IWS1: variants seen among roughly 807,000 people sequenced by gnomAD.
IWS1 encodes the protein interacts with SUPT6H, CTD assembly factor 1.
A neutral mutation model predicts 86.7 loss-of-function variants in IWS1; 27 were observed. The observed-to-expected ratio is 0.31, with a 90% confidence interval of 0.23 to 0.43. IWS1 has a LOEUF of 0.43. Among genes scored for constraint, IWS1 ranks in the 20% least tolerant of loss-of-function variants. The pLI is 1.00. For missense variants in IWS1, 827 were observed against 1,000.8 expected, an observed-to-expected ratio of 0.83 and a Z score of 2.34; for synonymous variants, 313 against 335.1, an observed-to-expected ratio of 0.93 and a Z score of 0.72.
chr2:127,519,892 G>C (rs1195271965), intron 2 of IWS1, among the ~76,000 whole-genome samples: 1 of 152,196 alleles, frequency 6.6e-6, no homozygotes, highest in Admixed American at 6.5e-5. Flanking sequence ...TATGCTGCTG[G>C]TTTTGAAGAT....
At chr2:127,495,871 C>T (rs1690484383) in intron 7 of IWS1, 127 bp downstream of exon 7, 2 of 805,322 alleles carry the variant, frequency 2.5e-6, no homozygotes, top group East Asian at 2.9e-5. Context: ...AAATTGAGAA[C>T]AGTAAATGCT....
rs1180166407 is a variant in IWS1, at chr2:127,493,332, C to A, written c.1878G>T (p.Arg626Ser). 1 of 1,613,810 alleles carries A rather than the reference C, an allele frequency of 6.2e-7. No homozygotes were observed. ...CCCGGATCTTGAGTGCAGGCAAACT[C>A]CTATCTGGTAGAGGTGAGAGCCATT... ...IKEWLSPLPD[R>S]SLPALKIREE... is the part of the protein sequence containing the mutation. Residue 626 changes from arginine to serine, a missense_variant, in exon 9 of 14, where the codon AGG becomes AGT. Physicochemically the swap from Arg to Ser is moderately radical, Grantham distance 110. Coordinates refer to ENST00000295321, the MANE Select transcript of IWS1 (RefSeq NM_017969.3).
At chr2:127,494,204 C>T (rs372663070) in intron 8 of IWS1, among the ~76,000 whole-genome samples, 4 of 137,044 alleles carry the variant, frequency 2.9e-5, no homozygotes, top group African/African-American at 8.3e-5. Context: ...CCCAGGAGTT[C>T]GAGACCAGCC....
chr2:127,523,819 T>C, intron 1 of IWS1, 28 bp from the exon 2 acceptor site: 1 of 1,480,702 alleles, frequency 6.8e-7, no homozygotes, highest in Non-Finnish European at 9.4e-7. Context: ...AAAAACCAAC[T>C]TATGGTGTAA....
At chr2:127,526,682 C>T (rs1286003032), upstream of IWS1, 1 of 1,311,146 alleles carries the variant, frequency 7.6e-7, no homozygotes, top group African/African-American at 1.5e-5. Flanking sequence ...ATAACGTTAT[C>T]ATTGATTCTT....
rs1434152028 is a variant in IWS1 at position 127,503,765 on chromosome 2, CTCAT to C, written c.1220-193_1220-190del. Among the ~76,000 whole-genome samples, 23 of 152,074 alleles carry C rather than the reference CTCAT, an allele frequency of 1.5e-4. No homozygotes were observed. In the Middle Eastern group the frequency reaches 0.017, roughly 112 times the overall value. On this transcript the variant is annotated intron_variant, in intron 3 of 13. Coordinates refer to ENST00000295321, the MANE Select transcript of IWS1 (RefSeq NM_017969.3). ...TAGAATTTTTAAAATAACTAAATGG[CTCAT>C]TCAGAGTCATCTTACAAATTATCTG...
chr2:127,503,706 A>C (rs931119648), intron 3 of IWS1, 130 bp from the exon 4 acceptor site: 1 of 323,064 alleles, frequency 3.1e-6, no homozygotes, highest in African/African-American at 2.2e-5. Flanking sequence ...ATAAATAAAT[A>C]AAATAAAATC....
At position 127,505,015 on chromosome 2, in the gene IWS1, T is replaced by C. The variant is rs761422339; in HGVS notation, c.888A>G (p.Lys296=). 1.9e-6 allele frequency: 3 copies of C among 1,613,018 alleles called. No homozygotes were observed. In the Admixed American group the frequency reaches 5.0e-5, roughly 27 times the overall value. The change falls in exon 3 of 14, where the codon AAA becomes AAG. Residue 296 remains lysine (K), a synonymous_variant. Coordinates refer to ENST00000295321, the MANE Select transcript of IWS1 (RefSeq NM_017969.3). This position sits in a 1 kb window ranked among gnomAD's most constrained non-coding sequence, Gnocchi z 5.0. ...ASDSENEELP[K]PRVSDSESEG... ...CACTCTCAGAGTCACTGACTCGGGG[T>C]TTGGGTAGCTCCTCATTTTCCGAAT...
rs779375588 is a variant in IWS1, at chr2:127,504,409, TA to T, written c.1219+274del. On this transcript the variant is annotated intron_variant, in intron 3 of 13. Coordinates refer to ENST00000295321, the MANE Select transcript of IWS1 (RefSeq NM_017969.3). ...TTTGAAACATTACCTCTTCCAGTTT[TA>T]AAAAAAAAAAACAGTATTTTATATT... 3.1e-3 allele frequency among the ~76,000 whole-genome samples: 457 copies of T among 146,006 alleles called. 5 individuals carry two copies. Among genetic ancestry groups the T allele is most frequent in the African/African-American group, 9.9e-3 (400 of 40,202 alleles).
Position 127,499,465 on chromosome 2 carries a change from C to T in IWS1, c.1468-1228G>A, listed in dbSNP as rs143930304. On this transcript the variant is annotated intron_variant, in intron 5 of 13. Coordinates refer to ENST00000295321, the MANE Select transcript of IWS1 (RefSeq NM_017969.3). This position sits in a 1 kb window ranked among gnomAD's most constrained non-coding sequence, Gnocchi z 4.0. ...CTACCTTTTGTGTTATACTTAGAGG[C>T]TTTCTCAATGGTTCACCTAGTACAA... Among the ~76,000 whole-genome samples, 1 of 152,254 alleles carries T rather than the reference C, an allele frequency of 6.6e-6. No individual in the cohort carries two copies. The highest frequency in any genetic ancestry group is 2.4e-5 in the African/African-American group (1 of 41,544).
At chr2:127,511,566 C>T (rs761805066) in intron 2 of IWS1, 8 of 152,132 alleles carry the variant, frequency 5.3e-5, no homozygotes, top group South Asian at 2.1e-4. Flanking sequence ...GCATCTTGTA[C>T]GCTCACACTT....
rs577134005 is a variant in IWS1 at position 127,505,343 on chromosome 2, C to T, written c.560G>A (p.Ser187Asn). 6.2e-7 allele frequency: 1 copy of T among 1,613,924 alleles called. No homozygotes were observed. Among genetic ancestry groups the T allele is most frequent in the Admixed American group, 1.7e-5 (1 of 59,988 alleles). Residue 187 changes from serine (S) to asparagine (N), a missense_variant, in exon 3 of 14, where the codon AGT becomes AAT. Coordinates refer to ENST00000295321, the MANE Select transcript of IWS1 (RefSeq NM_017969.3). This position sits in a 1 kb window ranked among gnomAD's most constrained non-coding sequence, Gnocchi z 5.0. The stretch of plus-strand genomic sequence containing the variant: ...GGCTTGGTGCCTTGGGGGTTCCTCA[C>T]TCTCAGAGTCACTGATTTGAGGTTT... ...ALKPQISDSE[S>N]EEPPRHQASD...
At chr2:127,518,596 G>C (rs928597462) in intron 2 of IWS1, among the ~76,000 whole-genome samples, 2 of 102,556 alleles carry the variant, frequency 2.0e-5, no homozygotes, top group Non-Finnish European at 3.7e-5. Context: ...GCAGAGTTTT[G>C]CTCTCGTTGC....
At chr2:127,497,531 T>TA (rs540933653) in intron 6 of IWS1, among the ~76,000 whole-genome samples, 43 of 152,208 alleles carry the variant, frequency 2.8e-4, no homozygotes, top group Non-Finnish European at 5.4e-4. Context: ...TCATTACACT[T>TA]AAAAAAGAGG....
intron 2 of IWS1, chr2:127,506,831 G>A (rs1040219937): frequency 6.1e-6 from 1 of 163,700 alleles, no homozygotes; most frequent in African/African-American, 2.4e-5. Context: ...GTACAAACTT[G>A]ATATGTGCAT....
chr2:127,516,875 T>C (rs1691805398), intron 2 of IWS1, among the ~76,000 whole-genome samples: 1 of 148,906 alleles, frequency 6.7e-6, no homozygotes. Context: ...GACTATGTGC[T>C]AGGCCCTAAA....
At chr2:127,496,247 C>A in intron 6 of IWS1, 99 bp from the exon 7 acceptor site, 1 of 1,252,812 alleles carries the variant, frequency 8.0e-7, no homozygotes, top group Non-Finnish European at 1.1e-6. Flanking sequence ...AATTCTAACT[C>A]AATGAAGTGC....
chr2:127,505,233 A>C lies in IWS1; in HGVS notation c.670T>G (p.Ser224Ala). 1 of 1,613,874 alleles carries C rather than the reference A, an allele frequency of 6.2e-7. No individual in the cohort carries two copies. Among genetic ancestry groups the C allele is most frequent in the African/African-American group, 1.3e-5 (1 of 74,944 alleles). The change falls in exon 3 of 14, where the codon TCA becomes GCA. Residue 224 changes from serine to alanine, a missense_variant. Around this residue, in one of 2 missense-constraint regions of IWS1, gnomAD observed 548 missense variants for 560.2 expected, o/e 0.98. Transcript: ENST00000295321. The surrounding 1 kb of genome is among the most constrained non-coding windows in gnomAD (Gnocchi z 5.0). ...TGCCTTGGGGGTTCCTCACTTTCTG[A>C]ATCACTGACCTGAGGTTTAGGAAGC... ...EELPKPQVSD[S>A]ESEEPPRHQA...
At chr2:127,511,214 C>T (rs950431131) in intron 2 of IWS1, 24 of 152,216 alleles carry the variant, frequency 1.6e-4, no homozygotes, top group African/African-American at 5.3e-4. Context: ...ACAGTTAAGG[C>T]TGTGGAATTT....
Sources: gnomAD v4.1 joint callset for allele counts (sites outside exome capture counted in the v4.1 genomes callset) on GRCh38, gnomAD v4.1.1 for gene constraint, gnomAD v4.1.1 regional missense constraint, Gnocchi (gnomAD v3.1) non-coding constraint, MANE v1.5 for transcripts, NCBI Gene and HGNC (gene_info 2026-07-23, HGNC 2026-07-21) for gene names.